The following CDH13 variants were observed in gnomAD, a reference collection of about 807,000 sequenced individuals.
CDH13 encodes the protein cadherin 13, also known as cadherin-13.
In CDH13, 24 loss-of-function variants were observed where a neutral mutation model predicts 63.8. The ratio of observed to expected loss-of-function variants is 0.38; its 90% confidence interval spans 0.27 to 0.53. The LOEUF is 0.53. Ranked by LOEUF, CDH13 falls within the 20% of genes least tolerant of loss-of-function variation. CDH13 has a pLI of 0.85. For synonymous variants in CDH13, 503 were observed against 355.3 expected (o/e 1.42, Z -4.67); for missense variants, 1,049 against 903.1 (o/e 1.16, Z -2.07).
At chr16:83,535,106 A>G (rs1009306894) in intron 7 of CDH13, among the ~76,000 whole-genome samples, 6 of 152,330 alleles carry the variant, frequency 3.9e-5, no homozygotes, top group African/African-American at 2.4e-5. Context: ...TCAGTCTGCC[A>G]TATACACTGT....
intron 1 of CDH13, among the ~76,000 whole-genome samples, chr16:82,725,479 C>A (rs969065161): frequency 6.6e-6 from 1 of 152,142 alleles, no homozygotes; most frequent in Non-Finnish European, 1.5e-5. Context: ...CCCCAGCTTT[C>A]TCATCTGAAA....
In CDH13 at chr16:82,893,435, A is replaced by G. The variant is rs550446418; in HGVS notation, c.157+34962A>G. Among the ~76,000 whole-genome samples, 5 of 152,358 alleles carry G rather than the reference A, an allele frequency of 3.3e-5. No homozygotes were observed. In the East Asian group the frequency reaches 9.7e-4, roughly 29 times the overall value. ...CAAGAAAGAAATGTGGACTGGGCCA[A>G]CTAATGGGTTTCTAATCATTGTTAA... is the stretch of plus-strand genomic sequence containing the variant. On this transcript the variant is annotated intron_variant, in intron 2 of 13. Coordinates refer to ENST00000567109, the MANE Select transcript of CDH13 (RefSeq NM_001257.5).
At chr16:83,712,794 C>G (rs948069518) in intron 10 of CDH13, among the ~76,000 whole-genome samples, 1 of 152,244 alleles carries the variant, frequency 6.6e-6, no homozygotes. Context: ...AACATCATAT[C>G]TGCCATGTGC....
chr16:83,656,178 A>G (rs1345003922), intron 8 of CDH13, among the ~76,000 whole-genome samples: 2 of 152,158 alleles, frequency 1.3e-5, no homozygotes, highest in Non-Finnish European at 2.9e-5. Context: ...AAATGGAATC[A>G]TATAGTTTTT....
chr16:83,057,209 C>T (rs1055077492), intron 3 of CDH13, among the ~76,000 whole-genome samples: 8 of 152,200 alleles, frequency 5.3e-5, no homozygotes, highest in African/African-American at 1.9e-4. Context: ...TCGTGATCCA[C>T]CTGCCTGGGC....
intron 3 of CDH13, among the ~76,000 whole-genome samples, chr16:83,077,410 C>G (rs910765771): frequency 2.6e-5 from 4 of 151,738 alleles, no homozygotes; most frequent in Admixed American, 2.0e-4. Context: ...CCAGGCTGGT[C>G]TCGAACTCCT....
intron 6 of CDH13, chr16:83,397,785 C>G (rs2091909819): frequency 6.6e-6 from 1 of 152,206 alleles, no homozygotes; most frequent in Non-Finnish European, 1.5e-5. Flanking sequence ...TGGCAAGAAT[C>G]TAATCTTTGT....
At chr16:82,670,356 C>T (rs372969059) in intron 1 of CDH13, among the ~76,000 whole-genome samples, 14 of 152,324 alleles carry the variant, frequency 9.2e-5, no homozygotes, top group Admixed American at 2.0e-4. Context: ...CTTTCCTCTT[C>T]CTTCTCTCCA....
intron 6 of CDH13, among the ~76,000 whole-genome samples, chr16:83,452,396 G>C (rs916608450): frequency 1.3e-5 from 2 of 152,006 alleles, no homozygotes; most frequent in Non-Finnish European, 2.9e-5. Context: ...TTCTATACTA[G>C]GCTGTGAAAA....
intron 6 of CDH13, among the ~76,000 whole-genome samples, chr16:83,466,583 T>A (rs1402735167): frequency 6.6e-6 from 1 of 152,174 alleles, no homozygotes; most frequent in African/African-American, 2.4e-5. Flanking sequence ...CTGGCAACCT[T>A]CATCAACCCA....
chr16:83,727,850 G>A (rs933590577), intron 10 of CDH13, among the ~76,000 whole-genome samples: 1 of 152,106 alleles, frequency 6.6e-6, no homozygotes, highest in Non-Finnish European at 1.5e-5. Context: ...GTGAACAGGG[G>A]CGTTGGCGGG....
chr16:82,764,446 C>G (rs1038687448), intron 1 of CDH13, among the ~76,000 whole-genome samples: 1 of 152,080 alleles, frequency 6.6e-6, no homozygotes, highest in African/African-American at 2.4e-5. Context: ...AATCTATGTT[C>G]AGAAGAGGGA....
At chr16:83,412,013 T>G (rs977529387) in intron 6 of CDH13, among the ~76,000 whole-genome samples, 1 of 152,154 alleles carries the variant, frequency 6.6e-6, no homozygotes, top group Non-Finnish European at 1.5e-5. Flanking sequence ...AAGTTTAGGT[T>G]CTCTGTGGAT....
At chr16:83,745,972 A>G (rs766260188) in intron 10 of CDH13, among the ~76,000 whole-genome samples, 2 of 152,180 alleles carry the variant, frequency 1.3e-5, no homozygotes, top group Non-Finnish European at 1.5e-5. Flanking sequence ...GTGTGGGTTC[A>G]GGGTCGCAGC....
Position 83,216,723 on chromosome 16 carries a change from T to C in CDH13, c.484-622T>C, listed in dbSNP as rs1291906189. Among the ~76,000 whole-genome samples, 3 of 147,834 alleles carry C rather than the reference T, an allele frequency of 2.0e-5. No individual in the cohort carries two copies. In the East Asian group the frequency reaches 5.9e-4, roughly 29 times the overall value. ...TATATATAATATTGATGCATATATA[T>C]TTAATATATAGGGGTTTGATATATA... is the stretch of plus-strand genomic sequence containing the variant. On this transcript the variant is annotated intron_variant, in intron 4 of 13. Coordinates refer to ENST00000567109, the MANE Select transcript of CDH13 (RefSeq NM_001257.5).
chr16:82,746,416 C>G (rs1331401069), intron 1 of CDH13, among the ~76,000 whole-genome samples: 1 of 151,754 alleles, frequency 6.6e-6, no homozygotes, highest in African/African-American at 2.4e-5. Flanking sequence ...AGAAGGTGTC[C>G]CCATTACTGG....
At chr16:83,064,210 A>T (rs1348216642) in intron 3 of CDH13, among the ~76,000 whole-genome samples, 1 of 152,146 alleles carries the variant, frequency 6.6e-6, no homozygotes, top group Non-Finnish European at 1.5e-5. Flanking sequence ...CTGTATCAAA[A>T]ATACAAAAAT....
intron 2 of CDH13, 64 bp downstream of exon 2, chr16:82,858,537 G>T (rs747137793): frequency 2.3e-5 from 23 of 1,004,818 alleles, no homozygotes; most frequent in Middle Eastern, 2.5e-4. Context: ...TAATGTTTAT[G>T]ACTGTGTCTC....
At chr16:83,380,079 A>T (rs1168572589) in intron 6 of CDH13, among the ~76,000 whole-genome samples, 1 of 151,998 alleles carries the variant, frequency 6.6e-6, no homozygotes, top group African/African-American at 2.4e-5. Context: ...AAACAAATAT[A>T]TGCCTAAGAT....
Sources: gnomAD v4.1 joint callset for allele counts (sites outside exome capture counted in the v4.1 genomes callset) on GRCh38, gnomAD v4.1.1 for gene constraint, MANE v1.5 for transcripts, NCBI Gene and HGNC (gene_info 2026-07-23, HGNC 2026-07-21) for gene names.